Variants in ARMC2 observed in about 807,000 individuals in gnomAD.
ARMC2 encodes armadillo repeat containing 2.
In ARMC2, 67 loss-of-function variants were observed where a neutral mutation model predicts 90.3. The ratio of observed to expected loss-of-function variants is 0.74; its 90% CI spans 0.61 to 0.91. The LOEUF (loss-of-function observed/expected upper bound fraction) is 0.91. ARMC2 is among the 40% of genes least tolerant of loss of function. The pLI, the probability that ARMC2 is intolerant of heterozygous loss-of-function variation, is 0.00. For synonymous variants in ARMC2, 393 were observed against 393.0 expected, an observed-to-expected ratio of 1.00 and a Z score of 0.00; for missense variants, 920 against 1,030.9, an observed-to-expected ratio of 0.89 and a Z score of 1.47.
At chr6:108,978,752 CCTT>C (rs1779033336), downstream of ARMC2, among the ~76,000 whole-genome samples, 1 of 151,894 alleles carries the variant, frequency 6.6e-6, no homozygotes, top group South Asian at 2.1e-4. Context: ...TAGGTAATGC[CCTT>C]CTTTGTCTCT....
chr6:108,946,687 A>G (rs1270996277), intron 12 of ARMC2, among the ~76,000 whole-genome samples: 4 of 152,204 alleles, frequency 2.6e-5, no homozygotes, highest in African/African-American at 9.7e-5. Flanking sequence ...GAGAGTTCGG[A>G]TTTTAAGTAT....
chr6:109,038,390 G>C, the ARMC2 span, among the ~76,000 whole-genome samples: 1 of 152,222 alleles, frequency 6.6e-6, no homozygotes, highest in African/African-American at 2.4e-5. Flanking sequence ...TACTTGGGAG[G>C]CTCAGGCAGG....
chr6:108,966,485 T>C (rs772637118), intron 17 of ARMC2, among the ~76,000 whole-genome samples: 2 of 152,204 alleles, frequency 1.3e-5, no homozygotes, highest in African/African-American at 2.4e-5. Context: ...TTAAGTGTTG[T>C]AACACCGTGC....
the ARMC2 span, among the ~76,000 whole-genome samples, chr6:109,003,116 C>A: frequency 6.6e-6 from 1 of 151,948 alleles, no homozygotes; most frequent in African/African-American, 2.4e-5. Flanking sequence ...CCCTCCCTCA[C>A]CCTCCCCATA....
chr6:108,858,646 AATC>A (rs1322882049), intron 3 of ARMC2, among the ~76,000 whole-genome samples: 5 of 150,620 alleles, frequency 3.3e-5, no homozygotes, highest in African/African-American at 4.9e-5. Context: ...CATATATAAA[AATC>A]ATATATATTT....
At chr6:109,019,192 C>T in the ARMC2 span, among the ~76,000 whole-genome samples, 4 of 151,794 alleles carry the variant, frequency 2.6e-5, no homozygotes, top group Admixed American at 2.6e-4. Flanking sequence ...ACATTTTTTA[C>T]ACACACACAC....
chr6:108,991,356 C>T, the ARMC2 span, among the ~76,000 whole-genome samples: 1 of 152,288 alleles, frequency 6.6e-6, no homozygotes, highest in South Asian at 2.1e-4. Flanking sequence ...ATCCTCCCTG[C>T]CTCAGCCTCC....
chr6:108,864,812 T>C (rs968035984), intron 3 of ARMC2, among the ~76,000 whole-genome samples: 1 of 152,134 alleles, frequency 6.6e-6, no homozygotes, highest in Non-Finnish European at 1.5e-5. Flanking sequence ...TTAAACGTTC[T>C]ATGTATTGTG....
rs754269118 is a variant in ARMC2, at chr6:108,953,267, C to G, written c.1831C>G (p.Leu611Val). The G allele has an allele frequency of 6.2e-7, 1 of 1,613,234 alleles. No homozygotes were observed. The highest frequency in any genetic ancestry group is 1.1e-5 in the South Asian group (1 of 91,086). ...EDVLIKLTRVLANIAIHPGVG... is the reference protein window; with the variant it reads ...EDVLIKLTRVVANIAIHPGVG... Reference sequence around the variant, plus strand: ...CGTGCTCATCAAGCTGACTCGTGTGCTGGCCAACATTGCCATCCACCCGGG... The same window carrying G: ...CGTGCTCATCAAGCTGACTCGTGTGGTGGCCAACATTGCCATCCACCCGGG... Residue 611 changes from leucine (L) to valine (V), a missense_variant, in exon 13 of 18, where the codon CTG (leucine) becomes GTG (valine). By Grantham distance (32) the Leu-to-Val change is conservative (BLOSUM62 1). Coordinates refer to ENST00000392644, the MANE Select transcript of ARMC2 (RefSeq NM_032131.6).
At chr6:108,960,137 C>G (rs1465422134) in intron 13 of ARMC2, among the ~76,000 whole-genome samples, 1 of 152,178 alleles carries the variant, frequency 6.6e-6, no homozygotes, top group East Asian at 1.9e-4. Flanking sequence ...ATGACCTGTC[C>G]CTGAACTTGG....
chr6:108,884,354 C>T (rs1777875281), intron 5 of ARMC2, among the ~76,000 whole-genome samples: 1 of 152,174 alleles, frequency 6.6e-6, no homozygotes. Context: ...TTTATAAGAT[C>T]TCCAAGTGCT....
the ARMC2 span, among the ~76,000 whole-genome samples, chr6:109,032,372 A>G: frequency 5.3e-5 from 8 of 152,132 alleles, no homozygotes; most frequent in Non-Finnish European, 1.0e-4. Context: ...TAATCCCAGC[A>G]CTTTGGGAGG....
chr6:108,896,512 T>G (rs1771628602), intron 6 of ARMC2, among the ~76,000 whole-genome samples: 1 of 152,118 alleles, frequency 6.6e-6, no homozygotes, highest in Non-Finnish European at 1.5e-5. Context: ...AGGCCCAGCG[T>G]GAATGAAGAG....
At chr6:108,929,129 C>T (rs1361667546) in intron 11 of ARMC2, among the ~76,000 whole-genome samples, 1 of 152,000 alleles carries the variant, frequency 6.6e-6, no homozygotes, top group Non-Finnish European at 1.5e-5. Flanking sequence ...TCAGCCCCAG[C>T]CCCCTCCTTC....
chr6:108,890,051 G>T (rs370120792), intron 5 of ARMC2, among the ~76,000 whole-genome samples: 113 of 148,480 alleles, frequency 7.6e-4, no homozygotes, highest in Non-Finnish European at 1.5e-3. Flanking sequence ...TTAGCCGGGC[G>T]TAGTGGCGGG....
intron 5 of ARMC2, among the ~76,000 whole-genome samples, chr6:108,887,716 C>T (rs761719931): frequency 1.3e-4 from 20 of 152,154 alleles, no homozygotes; most frequent in African/African-American, 3.9e-4. Context: ...TCTGCCTGTA[C>T]GAAGAATTTC....
chr6:108,871,310 G>A lies in ARMC2; in HGVS notation c.463+2315G>A, dbSNP rs377587303. Reference sequence around the variant, plus strand: ...TTACCAAAGGGAGAGACAATGTGATGTAGGTTTTTTCACCAACAGCAGTTC... The same window carrying A: ...TTACCAAAGGGAGAGACAATGTGATATAGGTTTTTTCACCAACAGCAGTTC... On this transcript the variant is annotated intron_variant, in intron 4 of 17. Coordinates refer to ENST00000392644, the MANE Select transcript of ARMC2 (RefSeq NM_032131.6). Among the ~76,000 whole-genome samples, 15 of 152,298 alleles carry A rather than the reference G, an allele frequency of 9.8e-5. No homozygotes were observed. The South Asian group carries it at 2.3e-3, about 23-fold the overall frequency.
At position 108,866,382 on chromosome 6, in the gene ARMC2, A is replaced by G. The variant is rs181590165; in HGVS notation, c.292-2442A>G. ...TTACTTGTTAAACAAATATAGTGCA[A>G]CTTATGCAGACAAACAAGTGTTACC... On this transcript the variant is annotated intron_variant, in intron 3 of 17. Transcript: ENST00000392644. 1.6e-4 allele frequency among the ~76,000 whole-genome samples: 24 copies of G among 152,312 alleles called. No individual in the cohort carries two copies. The East Asian group carries it at 4.2e-3, about 27-fold the overall frequency.
intron 12 of ARMC2, among the ~76,000 whole-genome samples, chr6:108,948,814 A>C (rs182046033): frequency 4.6e-5 from 7 of 152,220 alleles, no homozygotes; most frequent in Admixed American, 1.3e-4. Flanking sequence ...TAGTCTTCCC[A>C]GATTAGACTG....
Sources: gnomAD v4.1 joint callset for allele counts (sites outside exome capture counted in the v4.1 genomes callset) on GRCh38, gnomAD v4.1.1 for gene constraint, MANE v1.5 for transcripts, NCBI Gene and HGNC (gene_info 2026-07-23, HGNC 2026-07-21) for gene names.